The following CELF4 variants were observed in gnomAD, a reference collection of about 807,000 sequenced individuals.
CELF4 encodes CUGBP Elav-like family member 4, also known as CUG-BP- and ETR-3-like factor 4.
In CELF4, 18 loss-of-function variants were observed where a neutral mutation model predicts 59.9. The ratio of observed to expected loss-of-function variants is 0.30; its 90% CI spans 0.21 to 0.45. The LOEUF (loss-of-function observed/expected upper bound fraction) is 0.45, where lower values mean the gene tolerates loss of function less well. Ranked by LOEUF, CELF4 falls within the 20% of genes least tolerant of loss-of-function variation. The probability of loss-of-function intolerance (pLI) is 1.00; values close to 1 mark genes in which losing one functional copy is unlikely to be tolerated. For missense variants in CELF4, 456 were observed against 689.0 expected, an observed-to-expected ratio of 0.66 and a Z score of 3.79; for synonymous variants, 261 against 267.1, an observed-to-expected ratio of 0.98 and a Z score of 0.22.
chr18:37,333,635 C>T (rs999059762), intron 2 of CELF4, among the ~76,000 whole-genome samples: 6 of 151,992 alleles, frequency 3.9e-5, no homozygotes, highest in African/African-American at 7.2e-5. Flanking sequence ...CCATTCTGCC[C>T]GTGCTGCCTC....
At chr18:37,291,686 C>G (rs1444620742) in intron 3 of CELF4, among the ~76,000 whole-genome samples, 2 of 152,150 alleles carry the variant, frequency 1.3e-5, no homozygotes, top group African/African-American at 4.8e-5. Context: ...TCAGCAGCTG[C>G]TCACAGGGTG....
chr18:37,420,117 C>T (rs2099568542), intron 2 of CELF4, among the ~76,000 whole-genome samples: 1 of 152,184 alleles, frequency 6.6e-6, no homozygotes, highest in South Asian at 2.1e-4. Context: ...AAGTGGCCTG[C>T]TATGTGGTGG....
intron 2 of CELF4, among the ~76,000 whole-genome samples, chr18:37,342,823 C>G (rs1195874869): frequency 2.0e-5 from 3 of 152,216 alleles, no homozygotes; most frequent in African/African-American, 7.2e-5. Context: ...TTGAATCTCA[C>G]CACTCCCATT....
chr18:37,438,425 T>C (rs934393504), intron 2 of CELF4, among the ~76,000 whole-genome samples: 2 of 152,020 alleles, frequency 1.3e-5, no homozygotes, highest in Non-Finnish European at 2.9e-5. Context: ...ACAGAGTAGA[T>C]AGAGTAGATA....
intron 2 of CELF4, among the ~76,000 whole-genome samples, chr18:37,386,949 A>T (rs2099105662): frequency 6.6e-6 from 1 of 152,208 alleles, no homozygotes; most frequent in Non-Finnish European, 1.5e-5. Flanking sequence ...AGAAGAAGCC[A>T]CTGGCAGGCA....
intron 2 of CELF4, among the ~76,000 whole-genome samples, chr18:37,416,265 C>A (rs1343456298): frequency 6.6e-6 from 1 of 152,142 alleles, no homozygotes; most frequent in East Asian, 1.9e-4. Context: ...ATATTGCCTG[C>A]CATTTGAAGT....
intron 2 of CELF4, among the ~76,000 whole-genome samples, chr18:37,428,927 G>T (rs2154598922): frequency 6.6e-6 from 1 of 152,318 alleles, no homozygotes; most frequent in South Asian, 2.1e-4. Flanking sequence ...TGAACCCAGT[G>T]ACCCTTCGAG....
At chr18:37,506,138 C>T (rs1352959304) in intron 1 of CELF4, among the ~76,000 whole-genome samples, 1 of 149,138 alleles carries the variant, frequency 6.7e-6, no homozygotes, top group Non-Finnish European at 1.5e-5. Flanking sequence ...GGTGGCTGAG[C>T]AGAAAAACAA....
intron 1 of CELF4, among the ~76,000 whole-genome samples, chr18:37,559,303 T>G (rs1681293038): frequency 6.6e-6 from 1 of 152,126 alleles, no homozygotes; most frequent in Admixed American, 6.5e-5. Context: ...CCTGTGTGTG[T>G]GTATGCACAC....
chr18:37,453,720 G>T (rs984589582), intron 2 of CELF4, among the ~76,000 whole-genome samples: 1 of 152,176 alleles, frequency 6.6e-6, no homozygotes, highest in African/African-American at 2.4e-5. Flanking sequence ...AGGGCAGGGT[G>T]CAGATGACCC....
At chr18:37,487,313 G>A (rs1338011446) in intron 1 of CELF4, among the ~76,000 whole-genome samples, 1 of 152,158 alleles carries the variant, frequency 6.6e-6, no homozygotes, top group African/African-American at 2.4e-5. Context: ...TGAAAGGAAC[G>A]GAGATGAAAG....
chr18:37,301,910 C>T lies in CELF4; in HGVS notation c.448+19893G>A, dbSNP rs367843840. Among the ~76,000 whole-genome samples the T allele has an allele frequency of 7.9e-5, 12 of 152,256 alleles. No individual in the cohort carries two copies. In the East Asian group the frequency reaches 1.2e-3, roughly 15 times the overall value. On this transcript the variant is annotated intron_variant, in intron 3 of 12. Coordinates refer to ENST00000420428, the MANE Select transcript of CELF4 (RefSeq NM_020180.4). The stretch of plus-strand genomic sequence containing the variant: ...GTCTCTGGCATGGCATGCCATGCCA[C>T]CCACCTTTCCCCTTCCCCCTGCTCT...
At chr18:37,282,086 A>C (rs1255406555) in intron 3 of CELF4, among the ~76,000 whole-genome samples, 1 of 152,214 alleles carries the variant, frequency 6.6e-6, no homozygotes, top group Non-Finnish European at 1.5e-5. Context: ...GTCTGGAATT[A>C]AATGAGGTTT....
At chr18:37,343,252 T>C (rs1364038290) in intron 2 of CELF4, among the ~76,000 whole-genome samples, 1 of 152,148 alleles carries the variant, frequency 6.6e-6, no homozygotes, top group Middle Eastern at 3.2e-3. Context: ...TCTGTGTCCC[T>C]GTGTTTGCAG....
At chr18:37,516,055 T>A (rs2099950307) in intron 1 of CELF4, among the ~76,000 whole-genome samples, 1 of 152,134 alleles carries the variant, frequency 6.6e-6, no homozygotes, top group Non-Finnish European at 1.5e-5. Flanking sequence ...CTGGTGAAGG[T>A]GTGGAGAGGC....
intron 2 of CELF4, among the ~76,000 whole-genome samples, chr18:37,348,275 T>C (rs1603623446): frequency 6.6e-6 from 1 of 152,124 alleles, no homozygotes; most frequent in African/African-American, 2.4e-5. Flanking sequence ...GAGGTGAGGC[T>C]CAGGAGCTAC....
At chr18:37,313,485 G>A (rs1056801366) in intron 3 of CELF4, among the ~76,000 whole-genome samples, 4 of 152,094 alleles carry the variant, frequency 2.6e-5, no homozygotes, top group Non-Finnish European at 4.4e-5. Context: ...CTGCACACTC[G>A]CTAAACTGCC....
intron 1 of CELF4, among the ~76,000 whole-genome samples, chr18:37,543,935 T>G (rs2099979492): frequency 1.3e-5 from 2 of 152,072 alleles, no homozygotes; most frequent in African/African-American, 4.8e-5. Flanking sequence ...CTGATGGGGC[T>G]GCAGCAGTTA....
chr18:37,322,221 C>T (rs1336312238), intron 2 of CELF4, among the ~76,000 whole-genome samples: 6 of 152,220 alleles, frequency 3.9e-5, no homozygotes, highest in Non-Finnish European at 2.9e-5. Context: ...TCACACAGGC[C>T]TTTGTGTCAC....
Sources: gnomAD v4.1 joint callset for allele counts (sites outside exome capture counted in the v4.1 genomes callset) on GRCh38, gnomAD v4.1.1 for gene constraint, MANE v1.5 for transcripts, NCBI Gene and HGNC (gene_info 2026-07-23, HGNC 2026-07-21) for gene names.